The following NPIPB2 variants were observed in gnomAD, a reference collection of about 807,000 sequenced individuals.
The protein encoded by NPIPB2 is nuclear pore complex interacting protein family member B2.
Under a neutral mutation model 30.8 loss-of-function variants are expected in NPIPB2, and 27 were observed. That is an observed-to-expected ratio of 0.88 (90% CI 0.65 to 1.21). The LOEUF (loss-of-function observed/expected upper bound fraction) is 1.21. NPIPB2 is among the 50% of genes most tolerant of loss of function. NPIPB2 has a pLI of 0.00. For missense variants in NPIPB2, 440 were observed against 446.2 expected (o/e 0.99, Z 0.13); for synonymous variants, 147 against 162.0 (o/e 0.91, Z 0.70).
upstream of NPIPB2, among the ~76,000 whole-genome samples, chr16:11,942,739 C>T (rs1271844546): frequency 6.6e-6 from 1 of 151,082 alleles, no homozygotes; most frequent in Non-Finnish European, 1.5e-5. Flanking sequence ...GAGCTCCAAG[C>T]AGGTGGGCAG....
chr16:11,963,732 A>G (rs1014917888), intron 1 of NPIPB2, among the ~76,000 whole-genome samples: 1 of 152,056 alleles, frequency 6.6e-6, no homozygotes, highest in Non-Finnish European at 1.5e-5. Flanking sequence ...TATTTCACTC[A>G]GTATGGTTAA....
intron 1 of NPIPB2, chr16:11,965,529 C>T (rs371297327): frequency 1.8e-5 from 26 of 1,449,788 alleles, no homozygotes; most frequent in Non-Finnish European, 2.5e-5. Context: ...TTCAGAGAAT[C>T]AACATAATGG....
chr16:11,927,926 G>C, intron 7 of NPIPB2, 47 bp from the exon 8 acceptor site: 1 of 838,420 alleles, frequency 1.2e-6, no homozygotes, highest in Non-Finnish European at 1.8e-6. Flanking sequence ...TCATTTGATG[G>C]ACAAAATTAC....
chr16:11,947,098 A>G (rs1037739489), intron 1 of NPIPB2, among the ~76,000 whole-genome samples: 1 of 146,716 alleles, frequency 6.8e-6, no homozygotes, highest in Non-Finnish European at 1.5e-5. Context: ...ATAAAATAAA[A>G]TTCAATTATA....
At chr16:11,976,219 G>A (rs1452871650) in intron 1 of NPIPB2, among the ~76,000 whole-genome samples, 1 of 152,042 alleles carries the variant, frequency 6.6e-6, no homozygotes, top group Admixed American at 6.6e-5. Flanking sequence ...GTGAGCCACC[G>A]CACCAGGCCT....
intron 1 of NPIPB2, chr16:11,965,423 T>G (rs2055185754): frequency 3.1e-6 from 5 of 1,614,172 alleles, no homozygotes; most frequent in Non-Finnish European, 4.2e-6. Context: ...CTAATACTCC[T>G]CCTCTAACAT....
At chr16:11,950,590 G>C (rs544604968) in intron 1 of NPIPB2, among the ~76,000 whole-genome samples, 3 of 152,222 alleles carry the variant, frequency 2.0e-5, no homozygotes, top group South Asian at 2.1e-4. Flanking sequence ...TACCAACTCA[G>C]AGCCCTTTTC....
chr16:11,936,924 A>G (rs1300716062), intron 2 of NPIPB2, among the ~76,000 whole-genome samples: 1 of 151,580 alleles, frequency 6.6e-6, no homozygotes, highest in East Asian at 1.9e-4. Context: ...ACCTCAGAGG[A>G]ACTTTGTCTC....
chr16:11,948,125 A>G (rs1019384554), intron 1 of NPIPB2, among the ~76,000 whole-genome samples: 2 of 151,504 alleles, frequency 1.3e-5, no homozygotes, highest in African/African-American at 4.9e-5. Context: ...TGCCTAAAAC[A>G]TGGCTTTCCT....
downstream of NPIPB2, chr16:11,927,332 T>C (rs1242151248): frequency 1.2e-6 from 1 of 819,202 alleles, no homozygotes; most frequent in Non-Finnish European, 2.0e-6. Context: ...TTTTGTTTTT[T>C]GATTTTTTTA....
At chr16:11,943,228 A>G (rs1385215193), upstream of NPIPB2, among the ~76,000 whole-genome samples, 1 of 152,010 alleles carries the variant, frequency 6.6e-6, no homozygotes, top group Non-Finnish European at 1.5e-5. Flanking sequence ...CTGAGGCAGG[A>G]GAATAGTTTG....
At chr16:11,945,922 A>G (rs1339401631), upstream of NPIPB2, among the ~76,000 whole-genome samples, 1 of 151,814 alleles carries the variant, frequency 6.6e-6, no homozygotes, top group Non-Finnish European at 1.5e-5. Context: ...TCAAACATGC[A>G]TAGTTGGATT....
chr16:11,934,495 G>T (rs1398142976), intron 2 of NPIPB2, among the ~76,000 whole-genome samples: 9 of 149,462 alleles, frequency 6.0e-5, no homozygotes, highest in Non-Finnish European at 1.5e-5. Context: ...AAAGGTTGTG[G>T]TGAGCTGAGA....
intron 1 of NPIPB2, among the ~76,000 whole-genome samples, chr16:11,947,322 T>TTATTTATA (rs144577397): frequency 0.24 from 28,256 of 119,414 alleles, 3,885 homozygotes; most frequent in East Asian, 0.46. Flanking sequence ...ATTTATTTAT[T>TTATTTATA]TATATATATA....
chr16:11,965,153 T>C, intron 1 of NPIPB2: 1 of 741,922 alleles, frequency 1.3e-6, no homozygotes, highest in Non-Finnish European at 2.2e-6. Flanking sequence ...TTCAAATCCT[T>C]AGCTGCCGCG....
chr16:11,948,838 T>C (rs1209879214), intron 1 of NPIPB2, among the ~76,000 whole-genome samples: 1 of 149,482 alleles, frequency 6.7e-6, no homozygotes, highest in East Asian at 2.0e-4. Flanking sequence ...GCTGTGAGCA[T>C]TGAAAAAGGC....
upstream of NPIPB2, among the ~76,000 whole-genome samples, chr16:11,943,046 G>T (rs1169812973): frequency 6.6e-6 from 1 of 152,258 alleles, no homozygotes; most frequent in South Asian, 2.1e-4. Flanking sequence ...CAGGGGCTGG[G>T]TGTGATGGCT....
chr16:11,945,226 A>G (rs2054993642), upstream of NPIPB2, among the ~76,000 whole-genome samples: 1 of 151,924 alleles, frequency 6.6e-6, no homozygotes, highest in African/African-American at 2.4e-5. Context: ...ATATATAAAA[A>G]GATATAATAG....
chr16:11,938,841 C>T (rs1304722797), intron 1 of NPIPB2, among the ~76,000 whole-genome samples: 4 of 151,944 alleles, frequency 2.6e-5, no homozygotes, highest in Admixed American at 6.6e-5. Flanking sequence ...CTCCGCCTCC[C>T]GGGTTCAAGC....
Sources: allele counts gnomAD v4.1 joint callset (sites outside exome capture counted in the v4.1 genomes callset), GRCh38; gene constraint gnomAD v4.1.1; transcripts MANE v1.5; gene names NCBI Gene and HGNC (gene_info 2026-07-23, HGNC 2026-07-21).